CAP1: variants seen among roughly 807,000 people sequenced by gnomAD.
CAP1 encodes the protein cyclase associated actin cytoskeleton regulatory protein 1.
In CAP1, 11 loss-of-function variants were observed where a neutral mutation model predicts 58.2. The ratio of observed to expected loss-of-function variants is 0.19; its 90% CI spans 0.12 to 0.31. The LOEUF (loss-of-function observed/expected upper bound fraction) is 0.31. CAP1 is among the 10% of genes least tolerant of loss of function. The pLI, the probability that CAP1 is intolerant of heterozygous loss-of-function variation, is 1.00. For synonymous variants in CAP1, 183 were observed against 213.8 expected, an observed-to-expected ratio of 0.86 and a Z score of 1.26; for missense variants, 423 against 587.5, an observed-to-expected ratio of 0.72 and a Z score of 2.89.
chr1:40,041,537 T>C (rs1645830349), intron 1 of CAP1: 1 of 152,268 alleles, frequency 6.6e-6, no homozygotes, highest in Non-Finnish European at 1.5e-5. Flanking sequence ...AGGTTTGGTC[T>C]GGCCTCAGTG....
At chr1:40,049,839 C>T (rs1247518193) in intron 1 of CAP1, among the ~76,000 whole-genome samples, 1 of 152,154 alleles carries the variant, frequency 6.6e-6, no homozygotes, top group Non-Finnish European at 1.5e-5. Context: ...CCCATATTTG[C>T]AAATCAGGAG....
chr1:40,051,385 A>G (rs1164833024), intron 1 of CAP1, among the ~76,000 whole-genome samples: 1 of 101,410 alleles, frequency 9.9e-6, no homozygotes, highest in African/African-American at 3.2e-5. Context: ...CTCTGTCTCT[A>G]TCACACACAT....
intron 8 of CAP1, 68 bp downstream of exon 8, chr1:40,067,785 A>C: frequency 3.4e-6 from 4 of 1,161,828 alleles, no homozygotes; most frequent in East Asian, 2.6e-5. Flanking sequence ...ACCAACCAGA[A>C]CCGTCTGTAA....
chr1:40,044,750 T>C (rs926715323), intron 1 of CAP1, among the ~76,000 whole-genome samples: 2 of 151,188 alleles, frequency 1.3e-5, no homozygotes, highest in South Asian at 4.2e-4. Context: ...ACAGGGTTTC[T>C]CAACGTTGGC....
chr1:40,068,178 CTATGATCATAG>C (rs1199177731), intron 8 of CAP1, among the ~76,000 whole-genome samples: 1 of 152,228 alleles, frequency 6.6e-6, no homozygotes, highest in Non-Finnish European at 1.5e-5. Context: ...TTCTAGGAAT[CTATGATCATAG>C]TAGCTAAAAA....
chr1:40,067,529 T>G lies in CAP1; in HGVS notation c.631-11T>G, dbSNP rs752182989. 3 of 1,602,640 alleles carry G rather than the reference T, an allele frequency of 1.9e-6. No homozygotes were observed. Among genetic ancestry groups the G allele is most frequent in the Non-Finnish European group, 1.7e-6 (2 of 1,174,364 alleles). ...AGAGGATGATGATGTTACCTGCACT[T>G]ATTGTTCCAGGGGCCTGTGGCAAAA... On this transcript the variant is annotated splice_polypyrimidine_tract_variant and intron_variant, in intron 7 of 12. Coordinates refer to ENST00000372805, the MANE Select transcript of CAP1 (RefSeq NM_006367.4).
chr1:40,052,227 C>G (rs1270355261), intron 1 of CAP1, among the ~76,000 whole-genome samples: 1 of 152,162 alleles, frequency 6.6e-6, no homozygotes, highest in East Asian at 1.9e-4. Context: ...TTACTCGTAT[C>G]TATGAAATCA....
chr1:40,050,419 G>T (rs200538611), intron 1 of CAP1, among the ~76,000 whole-genome samples: 6 of 1,484 alleles, frequency 4.0e-3, no homozygotes, highest in East Asian at 0.011. Flanking sequence ...ATATCTTGGG[G>T]AGACCAAGGC....
chr1:40,041,127 T>C (rs563864627), intron 1 of CAP1, among the ~76,000 whole-genome samples: 1 of 152,352 alleles, frequency 6.6e-6, no homozygotes, highest in South Asian at 2.1e-4. Context: ...CTGTTGATGC[T>C]CCCATTGCAC....
At chr1:40,050,999 C>T (rs1297505400) in intron 1 of CAP1, among the ~76,000 whole-genome samples, 1 of 152,110 alleles carries the variant, frequency 6.6e-6, no homozygotes, top group Non-Finnish European at 1.5e-5. Context: ...CTGTACATAG[C>T]CTGCTTGGTC....
intron 1 of CAP1, among the ~76,000 whole-genome samples, chr1:40,046,072 C>G (rs956406049): frequency 1.3e-5 from 2 of 152,202 alleles, no homozygotes; most frequent in Non-Finnish European, 2.9e-5. Context: ...ATTTCCCTCT[C>G]TATTGAAAAT....
At chr1:40,047,663 T>C (rs1380040481) in intron 1 of CAP1, among the ~76,000 whole-genome samples, 1 of 152,202 alleles carries the variant, frequency 6.6e-6, no homozygotes, top group Non-Finnish European at 1.5e-5. Flanking sequence ...ATAAAACATG[T>C]AGAAGTAGAA....
chr1:40,045,617 G>A (rs1454926001), intron 1 of CAP1, among the ~76,000 whole-genome samples: 4 of 151,932 alleles, frequency 2.6e-5, no homozygotes, highest in Admixed American at 1.3e-4. Flanking sequence ...GTGCAGTGGC[G>A]TGATCTTGGC....
At chr1:40,069,646 G>GT in intron 8 of CAP1, 44 bp from the exon 9 acceptor site, 1 of 1,545,878 alleles carries the variant, frequency 6.5e-7, no homozygotes, top group Non-Finnish European at 8.9e-7. Context: ...CAGCTCAAAG[G>GT]TCTGGTATGA....
chr1:40,071,260 CAT>C (rs982017213), intron 12 of CAP1, among the ~76,000 whole-genome samples, 188 bp from the exon 13 acceptor site: 4 of 152,106 alleles, frequency 2.6e-5, no homozygotes, highest in African/African-American at 9.7e-5. Flanking sequence ...ATTTACACCC[CAT>C]AGACTTAATA....
At chr1:40,064,014 GAA>G in intron 4 of CAP1, among the ~76,000 whole-genome samples, 1 of 152,210 alleles carries the variant, frequency 6.6e-6, no homozygotes, top group African/African-American at 2.4e-5. Context: ...TCCTGATCAT[GAA>G]GAACCATCAG....
At chr1:40,067,104 GA>G (rs1174939051) in intron 7 of CAP1, among the ~76,000 whole-genome samples, 1 of 152,206 alleles carries the variant, frequency 6.6e-6, no homozygotes, top group East Asian at 1.9e-4. Flanking sequence ...TAAGGTCGAA[GA>G]AGTTGGAATC....
In CAP1 at chr1:40,061,767, G is replaced by A. The variant is rs1646862340; in HGVS notation, c.249G>A (p.Glu83=). 6.2e-7 allele frequency: 1 copy of A among 1,614,130 alleles called. No individual in the cohort carries two copies. Among genetic ancestry groups the A allele is most frequent in the Non-Finnish European group, 8.5e-7 (1 of 1,179,984 alleles). The change falls in exon 4 of 13, where the codon GAG becomes GAA. Residue 83 remains glutamate, a synonymous_variant. Transcript: ENST00000372805. The stretch of plus-strand genomic sequence containing the variant: ...TGGTCCACACAGGTTTGAAGTTGGA[G>A]CGAGCTCTGTTGGTTACAGCTTCTC... ...AEMVHTGLKL[E]RALLVTASQC...
Position 40,069,810 on chromosome 1 carries a change from C to G in CAP1, c.929C>G (p.Ser310Cys). 5 of 1,603,112 alleles carry G rather than the reference C, an allele frequency of 3.1e-6. No individual in the cohort carries two copies. The highest frequency in any genetic ancestry group is 4.5e-5 in the East Asian group (2 of 44,764). ...FSAPKPQTSP[S>C]PKRATKKEPA... The stretch of plus-strand genomic sequence containing the variant: ...GCACCTAAACCCCAAACCAGCCCAT[C>G]CCCCAAACGAGCCACAAAGAAGGAG... The change falls in exon 9 of 13, where the codon TCC becomes TGC. Residue 310 changes from serine (S) to cysteine (C), a missense_variant. Ser to Cys is a moderately radical substitution (Grantham distance 112). Coordinates refer to ENST00000372805, the MANE Select transcript of CAP1 (RefSeq NM_006367.4).
Sources: allele counts gnomAD v4.1 joint callset (sites outside exome capture counted in the v4.1 genomes callset), GRCh38; gene constraint gnomAD v4.1.1; transcripts MANE v1.5; gene names NCBI Gene and HGNC (gene_info 2026-07-23, HGNC 2026-07-21).